The following RBM47 variants were observed in gnomAD, a reference collection of about 807,000 sequenced individuals.
The protein encoded by RBM47 is RNA binding motif protein 47, also known as RNA-binding protein 47.
RBM47 carries 21 observed loss-of-function variants against 47.1 expected under a neutral mutation model. The ratio of observed to expected loss-of-function variants is 0.45; its 90% CI spans 0.32 to 0.64. The LOEUF (loss-of-function observed/expected upper bound fraction) is 0.64. RBM47 is among the 30% of genes least tolerant of loss of function. The pLI, the probability that RBM47 is intolerant of heterozygous loss-of-function variation, is 0.05. For missense variants in RBM47, 708 were observed against 870.9 expected, an observed-to-expected ratio of 0.81 and a Z score of 2.35; for synonymous variants, 375 against 361.7, an observed-to-expected ratio of 1.04 and a Z score of -0.42.
At chr4:40,509,086 G>T (rs1347733341) in intron 2 of RBM47, among the ~76,000 whole-genome samples, 1 of 151,978 alleles carries the variant, frequency 6.6e-6, no homozygotes, top group Non-Finnish European at 1.5e-5. Context: ...CTTGAATCTG[G>T]GAAGCTGAGG....
intron 2 of RBM47, among the ~76,000 whole-genome samples, chr4:40,505,341 A>C (rs190001544): frequency 7.2e-5 from 11 of 151,938 alleles, no homozygotes; most frequent in Non-Finnish European, 1.5e-4. Flanking sequence ...AAAACACACA[A>C]ATTAGCCAGG....
intron 2 of RBM47, among the ~76,000 whole-genome samples, chr4:40,484,466 C>G (rs938679438): frequency 4.6e-5 from 7 of 152,100 alleles, no homozygotes; most frequent in African/African-American, 1.7e-4. Context: ...TAGCTGACAC[C>G]TTTCCCTGCT....
chr4:40,476,338 A>C (rs1294873835), intron 2 of RBM47, among the ~76,000 whole-genome samples: 1 of 152,068 alleles, frequency 6.6e-6, no homozygotes, highest in Non-Finnish European at 1.5e-5. Context: ...ACTTTGGTTA[A>C]GTACCCTGTG....
At chr4:40,526,844 T>A (rs1305019147) in intron 2 of RBM47, among the ~76,000 whole-genome samples, 6 of 138,356 alleles carry the variant, frequency 4.3e-5, no homozygotes, top group African/African-American at 1.1e-4. Flanking sequence ...GTAAAAACCA[T>A]TAGCTAGAGG....
chr4:40,478,009 CTTTTTTTTTTTT>C (rs1194806938), intron 2 of RBM47, among the ~76,000 whole-genome samples: 1 of 86,412 alleles, frequency 1.2e-5, no homozygotes, highest in Admixed American at 1.5e-4. Flanking sequence ...GTGGCATGTT[CTTTTTTTTTTTT>C]TTTTTTTTTT....
At chr4:40,501,700 G>C (rs1441603684) in intron 2 of RBM47, among the ~76,000 whole-genome samples, 2 of 152,222 alleles carry the variant, frequency 1.3e-5, no homozygotes, top group East Asian at 1.9e-4. Context: ...ATTTGGGGCA[G>C]AGTTAGATCA....
At chr4:40,463,784 T>G (rs981252181) in intron 3 of RBM47, among the ~76,000 whole-genome samples, 2 of 151,758 alleles carry the variant, frequency 1.3e-5, no homozygotes, top group African/African-American at 4.8e-5. Flanking sequence ...GCAATTACTT[T>G]TGCACCAACC....
intron 2 of RBM47, among the ~76,000 whole-genome samples, chr4:40,467,392 C>A (rs758749685): frequency 4.6e-5 from 7 of 151,918 alleles, no homozygotes; most frequent in Non-Finnish European, 8.8e-5. Flanking sequence ...CAGGTTCATG[C>A]GATTCTCCTG....
intron 3 of RBM47, among the ~76,000 whole-genome samples, chr4:40,450,332 G>A (rs1315636993): frequency 6.6e-6 from 1 of 152,072 alleles, no homozygotes; most frequent in Non-Finnish European, 1.5e-5. Context: ...GGTGGCTAAC[G>A]CCTATAATTC....
At chr4:40,435,600 T>G (rs974179911) in intron 5 of RBM47, among the ~76,000 whole-genome samples, 2 of 152,006 alleles carry the variant, frequency 1.3e-5, no homozygotes, top group African/African-American at 4.8e-5. Flanking sequence ...TCTTATTTGC[T>G]CAGACCATGA....
At chr4:40,489,246 A>G (rs1721538336) in intron 2 of RBM47, among the ~76,000 whole-genome samples, 1 of 152,228 alleles carries the variant, frequency 6.6e-6, no homozygotes, top group Admixed American at 6.5e-5. Context: ...ACAGTAAACA[A>G]TCTAAGCTTT....
intron 4 of RBM47, among the ~76,000 whole-genome samples, chr4:40,437,111 A>ATAT (rs1491310906): frequency 1.1e-4 from 7 of 64,388 alleles, no homozygotes; most frequent in African/African-American, 3.9e-4. Flanking sequence ...ATATATATAT[A>ATAT]AAATACATAT....
intron 1 of RBM47, among the ~76,000 whole-genome samples, chr4:40,570,709 T>A (rs918290026): frequency 6.6e-6 from 1 of 152,072 alleles, no homozygotes; most frequent in Admixed American, 6.5e-5. Context: ...AAATACTGCA[T>A]AAAATAATCA....
chr4:40,532,309 ATTTTTTTTTT>A (rs34850081), intron 2 of RBM47, among the ~76,000 whole-genome samples: 9 of 65,802 alleles, frequency 1.4e-4, no homozygotes, highest in African/African-American at 5.6e-4. Flanking sequence ...CACGCCCGGC[ATTTTTTTTTT>A]TTTTTTTTTT....
At chr4:40,545,594 G>A (rs139926083) in intron 1 of RBM47, among the ~76,000 whole-genome samples, 3,113 of 147,120 alleles carry the variant, frequency 0.021, 113 homozygotes, top group African/African-American at 0.072. Context: ...AACTCGGGAG[G>A]CGGAGGTTGC....
At chr4:40,580,990 T>C (rs1364599054) in intron 1 of RBM47, among the ~76,000 whole-genome samples, 2 of 152,254 alleles carry the variant, frequency 1.3e-5, no homozygotes, top group Non-Finnish European at 2.9e-5. Context: ...TTGTTTTCGC[T>C]TTAATTCCAG....
intron 2 of RBM47, among the ~76,000 whole-genome samples, chr4:40,494,637 G>C (rs945694954): frequency 2.6e-5 from 4 of 152,022 alleles, no homozygotes; most frequent in African/African-American, 9.7e-5. Flanking sequence ...CTCAGGTGTA[G>C]CCCATATGTG....
At chr4:40,580,872 T>C (rs1332046403) in intron 1 of RBM47, among the ~76,000 whole-genome samples, 2 of 152,244 alleles carry the variant, frequency 1.3e-5, no homozygotes, top group African/African-American at 4.8e-5. Flanking sequence ...CTGATATTTG[T>C]GCTGAGAGTT....
rs778521338 is a variant in RBM47, at chr4:40,425,494, G to A, written c.*410C>T. 8 of 157,450 alleles carry A rather than the reference G, an allele frequency of 5.1e-5. No homozygotes were observed. The highest frequency in any genetic ancestry group is 8.5e-5 in the Non-Finnish European group (6 of 70,876). 9.8% of individuals were successfully genotyped at this position (157,450 alleles called of 1,614,324 possible). A position where few individuals can be genotyped will look rare whatever the true frequency, so the allele number is the denominator to read the frequency against. ...TCAAAATAGTTCCCTAGCTCCTCAA[G>A]TGTGCTTTTTTAATATATAGTTGAT... On this transcript the variant is annotated 3_prime_UTR_variant, in exon 7 of 7. Coordinates refer to ENST00000295971, the MANE Select transcript of RBM47 (RefSeq NM_001098634.2).
Sources: gnomAD v4.1 joint callset for allele counts (sites outside exome capture counted in the v4.1 genomes callset) on GRCh38, gnomAD v4.1.1 for gene constraint, MANE v1.5 for transcripts, NCBI Gene and HGNC (gene_info 2026-07-23, HGNC 2026-07-21) for gene names.